Variants in GPHN observed in about 807,000 individuals in gnomAD.
The protein encoded by GPHN is gephyrin.
GPHN carries 17 observed loss-of-function variants against 95.5 expected under a neutral mutation model. That is an observed-to-expected ratio of 0.18 (90% CI 0.12 to 0.27). GPHN has a LOEUF of 0.27. Ranked by LOEUF, GPHN falls within the 10% of genes least tolerant of loss-of-function variation. The pLI is 1.00. For synonymous variants in GPHN, 320 were observed against 322.5 expected (o/e 0.99, Z 0.08); for missense variants, 660 against 978.1 (o/e 0.67, Z 4.34).
chr14:66,814,203 A>C (rs2060873860), intron 3 of GPHN, among the ~76,000 whole-genome samples: 1 of 152,112 alleles, frequency 6.6e-6, no homozygotes, highest in South Asian at 2.1e-4. Context: ...CACAGAGAAC[A>C]GCAGATCATC....
chr14:66,817,660 C>T (rs545883165), intron 3 of GPHN, among the ~76,000 whole-genome samples: 1 of 152,236 alleles, frequency 6.6e-6, no homozygotes, highest in South Asian at 2.1e-4. Context: ...AATAATGTCA[C>T]CTCAGTTGGG....
the GPHN span, chr14:67,616,130 G>A: frequency 3.7e-6 from 1 of 269,362 alleles, no homozygotes; most frequent in Non-Finnish European, 7.6e-6. Context: ...TGTCACTAAA[G>A]CATTTAACCC....
At chr14:67,301,389 G>A in the GPHN span, 7 of 1,602,410 alleles carry the variant, frequency 4.4e-6, no homozygotes, top group East Asian at 2.2e-5. Context: ...TGTTTCTTAG[G>A]TACAAACTGT....
At chr14:67,474,780 T>C in the GPHN span, among the ~76,000 whole-genome samples, 54 of 152,324 alleles carry the variant, frequency 3.5e-4, no homozygotes, top group African/African-American at 1.3e-3. Flanking sequence ...ATTTGACTAC[T>C]CTGGGTGCCT....
chr14:67,108,712 G>GGTGTGTGTGTGTGT (rs3063159), intron 13 of GPHN, among the ~76,000 whole-genome samples: 2 of 131,142 alleles, frequency 1.5e-5, no homozygotes, highest in African/African-American at 2.9e-5. Flanking sequence ...TTCCCTAAGG[G>GGTGTGTGTGTGTGT]GTGTGTGTGT....
At chr14:67,084,673 T>A (rs2076817559) in intron 11 of GPHN, among the ~76,000 whole-genome samples, 1 of 152,330 alleles carries the variant, frequency 6.6e-6, no homozygotes, top group Admixed American at 6.5e-5. Flanking sequence ...ATATATTATG[T>A]TCCCAGTGTT....
intron 6 of GPHN, among the ~76,000 whole-genome samples, chr14:66,917,954 T>C (rs1439321405): frequency 1.3e-5 from 2 of 152,192 alleles, no homozygotes; most frequent in African/African-American, 4.8e-5. Flanking sequence ...TAAGGAGTTT[T>C]AGCCAACTGC....
intron 2 of GPHN, among the ~76,000 whole-genome samples, chr14:66,763,307 G>T: frequency 7.0e-6 from 1 of 142,490 alleles, no homozygotes; most frequent in Non-Finnish European, 1.5e-5. Flanking sequence ...AGTTACATAT[G>T]TATACATGTG....
chr14:67,410,982 C>T, the GPHN span, among the ~76,000 whole-genome samples: 42 of 151,568 alleles, frequency 2.8e-4, 1 homozygote, highest in South Asian at 7.7e-3. Flanking sequence ...CCTGTCTCCA[C>T]AAAAAAATAC....
chr14:67,697,113 T>C, the GPHN span, among the ~76,000 whole-genome samples: 1 of 151,970 alleles, frequency 6.6e-6, no homozygotes, highest in Non-Finnish European at 1.5e-5. Flanking sequence ...TATAGTGTAC[T>C]AGGCACTGTG....
chr14:66,572,008 A>G (rs536201431), intron 1 of GPHN, among the ~76,000 whole-genome samples: 2 of 152,256 alleles, frequency 1.3e-5, no homozygotes, highest in South Asian at 2.1e-4. Context: ...AGTTTTCCCA[A>G]TATCATTTGT....
the GPHN span, chr14:67,199,110 G>A: frequency 2.3e-4 from 290 of 1,252,490 alleles, no homozygotes; most frequent in Non-Finnish European, 2.8e-4. Flanking sequence ...CACTGTGTAC[G>A]TGGGGGGCCT....
At chr14:67,397,133 T>C in the GPHN span, among the ~76,000 whole-genome samples, 1 of 152,230 alleles carries the variant, frequency 6.6e-6, no homozygotes, top group Admixed American at 6.5e-5. Flanking sequence ...GAGATGGGGT[T>C]TCACCATGTT....
chr14:67,430,050 G>A, the GPHN span, among the ~76,000 whole-genome samples: 1 of 152,154 alleles, frequency 6.6e-6, no homozygotes, highest in Non-Finnish European at 1.5e-5. Flanking sequence ...TAATGATTAA[G>A]GCACACAAGG....
chr14:66,562,189 C>T (rs1260498911), intron 1 of GPHN, among the ~76,000 whole-genome samples: 1 of 152,080 alleles, frequency 6.6e-6, no homozygotes, highest in Non-Finnish European at 1.5e-5. Context: ...TAAGTTCTGT[C>T]TCTGGGGTCC....
intron 1 of GPHN, among the ~76,000 whole-genome samples, chr14:66,655,875 A>G (rs1334867257): frequency 6.6e-6 from 1 of 152,012 alleles, no homozygotes; most frequent in Non-Finnish European, 1.5e-5. Context: ...GTTTCTTCAA[A>G]CTGTTAATAT....
At chr14:67,379,211 A>AAC in the GPHN span, among the ~76,000 whole-genome samples, 1 of 152,332 alleles carries the variant, frequency 6.6e-6, no homozygotes, top group Non-Finnish European at 1.5e-5. Context: ...GAGAGTTTCT[A>AAC]ATATATATGC....
chr14:67,727,021 G>T, the GPHN span: 2 of 1,613,476 alleles, frequency 1.2e-6, no homozygotes, highest in African/African-American at 2.7e-5. Flanking sequence ...AGCGGCTAAA[G>T]GTGTCTGCCC....
chr14:67,651,064 C>T, the GPHN span: 3 of 1,080,940 alleles, frequency 2.8e-6, no homozygotes, highest in Non-Finnish European at 4.0e-6. Flanking sequence ...AAAGTTTCCC[C>T]TCTATTTTGG....
Sources: gnomAD v4.1 joint callset for allele counts (sites outside exome capture counted in the v4.1 genomes callset) on GRCh38, gnomAD v4.1.1 for gene constraint, MANE v1.5 for transcripts, NCBI Gene and HGNC (gene_info 2026-07-23, HGNC 2026-07-21) for gene names.